PAFAH1B1: variants seen among roughly 807,000 people sequenced by gnomAD.
PAFAH1B1 encodes the protein platelet activating factor acetylhydrolase 1b regulatory subunit 1.
PAFAH1B1 carries 2 observed loss-of-function variants against 57.5 expected under a neutral mutation model. The ratio of observed to expected loss-of-function variants is 0.03; its 90% CI spans 0.01 to 0.11. The LOEUF (loss-of-function observed/expected upper bound fraction) is 0.11. PAFAH1B1 is among the 10% of genes least tolerant of loss of function. The pLI is 1.00. For synonymous variants in PAFAH1B1, 152 were observed against 169.6 expected, an observed-to-expected ratio of 0.90 and a Z score of 0.81; for missense variants, 257 against 512.0, an observed-to-expected ratio of 0.50 and a Z score of 4.81.
intron 1 of PAFAH1B1, among the ~76,000 whole-genome samples, chr17:2,621,977 GA>G (rs1186649952): frequency 2.0e-5 from 3 of 152,148 alleles, no homozygotes; most frequent in African/African-American, 4.8e-5. Flanking sequence ...AGAGAAAAAT[GA>G]GGAAGAAGCA....
intron 2 of PAFAH1B1, among the ~76,000 whole-genome samples, chr17:2,650,077 T>G (rs1276661630): frequency 6.6e-6 from 1 of 152,276 alleles, no homozygotes; most frequent in East Asian, 1.9e-4. Context: ...ATAGAAAACT[T>G]CTGTGTGAAG....
At chr17:2,657,114 A>G (rs1419786872) in intron 2 of PAFAH1B1, among the ~76,000 whole-genome samples, 1 of 152,162 alleles carries the variant, frequency 6.6e-6, no homozygotes, top group Non-Finnish European at 1.5e-5. Context: ...AAGTGTTTCT[A>G]GTGTTCTGCC....
In PAFAH1B1 at chr17:2,668,954, C is replaced by T. The variant is rs536274954; in HGVS notation, c.400-1209C>T. 7.9e-5 allele frequency among the ~76,000 whole-genome samples: 12 copies of T among 151,876 alleles called. No homozygotes were observed. The East Asian group carries it at 9.7e-4, about 12-fold the overall frequency. On this transcript the variant is annotated intron_variant, in intron 5 of 10. Coordinates refer to ENST00000397195, the MANE Select transcript of PAFAH1B1 (RefSeq NM_000430.4). The stretch of plus-strand genomic sequence containing the variant: ...TCGCGCCACTGCACTCCAGCCTGGG[C>T]GACAAGAGTGAGACACACATACATA...
intron 9 of PAFAH1B1, among the ~76,000 whole-genome samples, 178 bp downstream of exon 9, chr17:2,676,784 T>C (rs1479769559): frequency 1.3e-5 from 2 of 152,236 alleles, no homozygotes; most frequent in Non-Finnish European, 2.9e-5. Flanking sequence ...GTTATTTCTC[T>C]AGAATGCAGA....
intron 1 of PAFAH1B1, among the ~76,000 whole-genome samples, chr17:2,594,850 G>T (rs531414345): frequency 6.6e-6 from 1 of 152,122 alleles, no homozygotes; most frequent in South Asian, 2.1e-4. Flanking sequence ...ACCCTCTTTA[G>T]CCTCCCACAT....
chr17:2,643,890 A>T (rs143363477), intron 2 of PAFAH1B1, among the ~76,000 whole-genome samples: 1 of 152,136 alleles, frequency 6.6e-6, no homozygotes, highest in East Asian at 1.9e-4. Context: ...GTTGTTAAAG[A>T]CAGATTCAAC....
intron 2 of PAFAH1B1, among the ~76,000 whole-genome samples, chr17:2,652,364 A>G (rs181544370): frequency 0.027 from 4,081 of 151,076 alleles, 146 homozygotes; most frequent in African/African-American, 0.085. Flanking sequence ...GCAGTGAGCC[A>G]AGATCGCGCC....
At chr17:2,593,473 G>A (rs1020024334), upstream of PAFAH1B1, 12 of 153,146 alleles carry the variant, frequency 7.8e-5, no homozygotes, top group Non-Finnish European at 1.8e-4. Context: ...GGGTGGCACC[G>A]CTCAGCCGCC....
At chr17:2,595,106 A>T (rs923522042) in intron 1 of PAFAH1B1, among the ~76,000 whole-genome samples, 1 of 152,122 alleles carries the variant, frequency 6.6e-6, no homozygotes, top group Admixed American at 6.6e-5. Context: ...GAAGAGGAGG[A>T]CCAGATTTGT....
intron 1 of PAFAH1B1, among the ~76,000 whole-genome samples, chr17:2,632,022 CTCTT>C (rs2151630057): frequency 6.6e-6 from 1 of 152,322 alleles, no homozygotes; most frequent in East Asian, 1.9e-4. Flanking sequence ...TCATGTATCT[CTCTT>C]ATTCACTGTC....
At chr17:2,636,250 A>G (rs1004015876) in intron 1 of PAFAH1B1, among the ~76,000 whole-genome samples, 1 of 152,150 alleles carries the variant, frequency 6.6e-6, no homozygotes, top group Non-Finnish European at 1.5e-5. Context: ...ATTTCTCAGA[A>G]TTTAGATGGA....
chr17:2,639,341 CTTG>C (rs2068666826), intron 2 of PAFAH1B1: 6 of 152,020 alleles, frequency 3.9e-5, no homozygotes, highest in Admixed American at 3.9e-4. Flanking sequence ...TTTCCTTTGC[CTTG>C]TTGTGTTTCT....
intron 2 of PAFAH1B1, among the ~76,000 whole-genome samples, chr17:2,643,050 T>A (rs1408871937): frequency 6.8e-6 from 1 of 146,554 alleles, no homozygotes; most frequent in Admixed American, 6.8e-5. Context: ...TTTCTCCCTC[T>A]TTCTTAAATA....
chr17:2,631,867 C>A (rs1331960531), intron 1 of PAFAH1B1, among the ~76,000 whole-genome samples: 2 of 152,148 alleles, frequency 1.3e-5, no homozygotes, highest in Admixed American at 6.5e-5. Context: ...CTGCCATGAT[C>A]CTTTAATTCC....
At chr17:2,609,270 A>G (rs975044095) in intron 1 of PAFAH1B1, among the ~76,000 whole-genome samples, 1 of 152,018 alleles carries the variant, frequency 6.6e-6, no homozygotes, top group African/African-American at 2.4e-5. Flanking sequence ...TCGGCCTGCC[A>G]AAGTTGTGGG....
chr17:2,594,884 G>C (rs2068067957), intron 1 of PAFAH1B1, among the ~76,000 whole-genome samples: 1 of 152,146 alleles, frequency 6.6e-6, no homozygotes, highest in Non-Finnish European at 1.5e-5. Flanking sequence ...TGAGGTGGTC[G>C]ACACATTTTG....
At chr17:2,663,215 T>C (rs1439617094) in intron 2 of PAFAH1B1, among the ~76,000 whole-genome samples, 3 of 152,046 alleles carry the variant, frequency 2.0e-5, no homozygotes, top group East Asian at 1.9e-4. Flanking sequence ...GAGGCAGAGC[T>C]TGTCGTGAGT....
chr17:2,616,887 C>G (rs1298776240), intron 1 of PAFAH1B1, among the ~76,000 whole-genome samples: 4 of 151,794 alleles, frequency 2.6e-5, no homozygotes, highest in African/African-American at 9.7e-5. Flanking sequence ...CACGGTGAAA[C>G]CCCGTCTCTA....
intron 2 of PAFAH1B1, among the ~76,000 whole-genome samples, chr17:2,650,380 T>C (rs2151643882): frequency 6.6e-6 from 1 of 151,914 alleles, no homozygotes; most frequent in Middle Eastern, 3.4e-3. Flanking sequence ...GACGTGGCGG[T>C]GTGCACCTGT....
Sources: gnomAD v4.1 joint callset for allele counts (sites outside exome capture counted in the v4.1 genomes callset) on GRCh38, gnomAD v4.1.1 for gene constraint, MANE v1.5 for transcripts, NCBI Gene and HGNC (gene_info 2026-07-23, HGNC 2026-07-21) for gene names.